The following NPAS2 variants were observed in gnomAD, a reference collection of about 807,000 sequenced individuals.
NPAS2 encodes the protein neuronal PAS domain-containing protein 2.
A neutral mutation model predicts 107.5 loss-of-function variants in NPAS2; 23 were observed. The ratio of observed to expected loss-of-function variants is 0.21; its 90% CI spans 0.15 to 0.30. The LOEUF (loss-of-function observed/expected upper bound fraction) is 0.30. Among genes scored for constraint, NPAS2 ranks in the 10% least tolerant of loss-of-function variants. The pLI is 1.00. For missense variants in NPAS2, 756 were observed against 1,043.3 expected, an observed-to-expected ratio of 0.72 and a Z score of 3.79; for synonymous variants, 403 against 417.5, an observed-to-expected ratio of 0.97 and a Z score of 0.42.
rs577786681 is a variant in NPAS2 at position 100,983,475 on chromosome 2, G to A, written c.1629+1098G>A. 26 of 152,814 alleles carry A rather than the reference G, an allele frequency of 1.7e-4. No homozygotes were observed. In the East Asian group the frequency reaches 4.8e-3, roughly 28 times the overall value. The allele number at this position is 152,814 out of a possible 1,614,324, so 9.5% of individuals were successfully genotyped here. On this transcript the variant is annotated intron_variant, in intron 16 of 20. Transcript: ENST00000335681. ...CAGGGGCACTCCTGGTGGCTTTCTA[G>A]ATGCTCACTGTCCCTCCCCTTCCTG...
intron 1 of NPAS2, among the ~76,000 whole-genome samples, chr2:100,832,737 G>T (rs1314512484): frequency 6.6e-6 from 1 of 152,100 alleles, no homozygotes; most frequent in Admixed American, 6.5e-5. Flanking sequence ...TAGTGCAGGA[G>T]ACACCATGCT....
At chr2:100,860,077 A>G (rs1678842478) in intron 1 of NPAS2, among the ~76,000 whole-genome samples, 1 of 152,196 alleles carries the variant, frequency 6.6e-6, no homozygotes, top group Non-Finnish European at 1.5e-5. Context: ...GATTGTCCCA[A>G]TAATGTCCTC....
chr2:100,881,946 C>T (rs180757041), intron 1 of NPAS2, among the ~76,000 whole-genome samples: 1 of 152,308 alleles, frequency 6.6e-6, no homozygotes, highest in African/African-American at 2.4e-5. Flanking sequence ...GCTCGCAGTG[C>T]CCTGCCCGGA....
intron 1 of NPAS2, among the ~76,000 whole-genome samples, chr2:100,824,965 G>A (rs1266981363): frequency 6.6e-6 from 1 of 152,186 alleles, no homozygotes; most frequent in Non-Finnish European, 1.5e-5. Flanking sequence ...AGAGGGAAAG[G>A]AAGGCATCGT....
At chr2:100,920,618 G>C (rs546975507) in intron 2 of NPAS2, among the ~76,000 whole-genome samples, 358 of 152,312 alleles carry the variant, frequency 2.4e-3, no homozygotes, top group Admixed American at 6.9e-3. Context: ...TCATCACAGA[G>C]CTGCTGGCCC....
chr2:100,920,182 G>T (rs944938814), intron 2 of NPAS2, among the ~76,000 whole-genome samples: 1 of 152,110 alleles, frequency 6.6e-6, no homozygotes, highest in Non-Finnish European at 1.5e-5. Context: ...TTAGTCAAAG[G>T]GTAGAAAGCT....
chr2:100,875,371 G>A (rs188421781), intron 1 of NPAS2, among the ~76,000 whole-genome samples: 135 of 152,128 alleles, frequency 8.9e-4, no homozygotes, highest in African/African-American at 3.1e-3. Context: ...CCATTGAACT[G>A]TACATTTAAA....
chr2:100,822,670 G>A (rs1005024842), intron 1 of NPAS2: 4 of 152,064 alleles, frequency 2.6e-5, no homozygotes, highest in African/African-American at 7.2e-5. Context: ...GAACCCAAAG[G>A]GCTAAGTCTT....
chr2:100,819,497 C>T, upstream of NPAS2, among the ~76,000 whole-genome samples: 1 of 152,268 alleles, frequency 6.6e-6, no homozygotes, highest in East Asian at 1.9e-4. The surrounding 1 kb of genome is among the most constrained non-coding windows in gnomAD (Gnocchi z 5.8). Flanking sequence ...GGCCGCACCC[C>T]CGCCGCTCAT....
At chr2:100,874,836 C>T (rs769173429) in intron 1 of NPAS2, among the ~76,000 whole-genome samples, 19 of 152,260 alleles carry the variant, frequency 1.2e-4, no homozygotes, top group Non-Finnish European at 2.4e-4. Flanking sequence ...GCCCAGAACC[C>T]GGGGCCGTTT....
Position 100,996,053 on chromosome 2 carries a change from A to T in NPAS2, c.*471A>T. 1 of 975,402 alleles carries T rather than the reference A, an allele frequency of 1.0e-6. No homozygotes were observed. Among genetic ancestry groups the T allele is most frequent in the Non-Finnish European group, 1.3e-6 (1 of 752,282 alleles). 60.4% of individuals were successfully genotyped at this position (975,402 alleles called of 1,614,324 possible). A position where few individuals can be genotyped will look rare whatever the true frequency, so the allele number is the denominator to read the frequency against. On this transcript the variant is annotated 3_prime_UTR_variant, in exon 21 of 21. Transcript: ENST00000335681. ...AAAGAGATTATTTTTCATTATTTTTAAATGGTTGTTTTTGTTTTAATTTGC... is the reference window on the plus strand; with the variant it reads ...AAAGAGATTATTTTTCATTATTTTTTAATGGTTGTTTTTGTTTTAATTTGC...
intron 16 of NPAS2, chr2:100,983,797 T>C (rs1677616077): frequency 6.6e-6 from 1 of 152,208 alleles, no homozygotes; most frequent in South Asian, 2.1e-4. Flanking sequence ...CCTTCCCAGC[T>C]GGAATATTTT....
chr2:100,993,638 C>G, intron 20 of NPAS2, 111 bp downstream of exon 20: 1 of 854,954 alleles, frequency 1.2e-6, no homozygotes, highest in Non-Finnish European at 1.7e-6. Flanking sequence ...TGTTCTATCC[C>G]TAGTATAGAA....
intron 2 of NPAS2, among the ~76,000 whole-genome samples, chr2:100,907,435 C>A (rs941487833): frequency 6.7e-6 from 1 of 149,800 alleles, no homozygotes; most frequent in Non-Finnish European, 1.5e-5. Context: ...GAGTTTAGAA[C>A]GTTTGGTGGT....
rs1029380293 is a variant in NPAS2, at chr2:100,941,944, A to G, written c.363+4102A>G. On this transcript the variant is annotated intron_variant, in intron 5 of 20. Transcript: ENST00000335681. ...GTGCTAAGCTCTTAAGGCAGACATC[A>G]TATCCCCAGCCCTGAACATTTGCCA... Among the ~76,000 whole-genome samples, 3 of 152,146 alleles carry G rather than the reference A, an allele frequency of 2.0e-5. No homozygotes were observed. In the South Asian group the frequency reaches 6.2e-4, roughly 32 times the overall value.
chr2:100,838,098 A>G (rs1677176446), intron 1 of NPAS2, among the ~76,000 whole-genome samples: 1 of 151,536 alleles, frequency 6.6e-6, no homozygotes, highest in South Asian at 2.1e-4. Flanking sequence ...TATTTTAGAC[A>G]CAAGAACGTG....
chr2:100,835,568 G>A (rs1677005983), intron 1 of NPAS2, among the ~76,000 whole-genome samples: 1 of 152,166 alleles, frequency 6.6e-6, no homozygotes, highest in Non-Finnish European at 1.5e-5. Context: ...TCTGTTCCTT[G>A]CTGTCTTTTA....
At chr2:100,897,803 G>A (rs796270796) in intron 1 of NPAS2, among the ~76,000 whole-genome samples, 8 of 152,156 alleles carry the variant, frequency 5.3e-5, no homozygotes, top group African/African-American at 2.4e-5. Flanking sequence ...TGCATCCCCC[G>A]CCTCATGTAA....
intron 7 of NPAS2, among the ~76,000 whole-genome samples, chr2:100,959,698 C>T (rs1675809660): frequency 6.6e-6 from 1 of 152,218 alleles, no homozygotes; most frequent in African/African-American, 2.4e-5. Context: ...AGTTTCATAT[C>T]TTCTCAGACA....
Sources: allele counts gnomAD v4.1 joint callset (sites outside exome capture counted in the v4.1 genomes callset), GRCh38; gene constraint gnomAD v4.1.1; non-coding constraint Gnocchi (gnomAD v3.1); transcripts MANE v1.5; gene names NCBI Gene and HGNC (gene_info 2026-07-23, HGNC 2026-07-21).